LCLAT1: variants seen among roughly 807,000 people sequenced by gnomAD.
LCLAT1 encodes 1-AGP acyltransferase 8.
LCLAT1 carries 11 observed loss-of-function variants against 30.7 expected under a neutral mutation model. The observed-to-expected ratio is 0.36, with a 90% CI of 0.23 to 0.59. The LOEUF is 0.59. Among genes scored for constraint, LCLAT1 ranks in the 20% least tolerant of loss-of-function variants. The pLI is 0.77. For synonymous variants in LCLAT1, 155 were observed against 151.3 expected, an observed-to-expected ratio of 1.02 and a Z score of -0.18; for missense variants, 402 against 458.6, an observed-to-expected ratio of 0.88 and a Z score of 1.13.
intron 5 of LCLAT1, among the ~76,000 whole-genome samples, chr2:30,595,495 A>G (rs1191862193): frequency 1.3e-5 from 2 of 152,156 alleles, no homozygotes; most frequent in Non-Finnish European, 2.9e-5. Context: ...ATTCCCAACC[A>G]GAACCTGTGC....
intron 5 of LCLAT1, among the ~76,000 whole-genome samples, chr2:30,578,917 T>C (rs939105035): frequency 6.6e-6 from 1 of 152,192 alleles, no homozygotes; most frequent in South Asian, 2.1e-4. Context: ...AGTTACCAAA[T>C]AATTTACCAA....
At chr2:30,534,858 A>G (rs1686166545) in intron 3 of LCLAT1, among the ~76,000 whole-genome samples, 1 of 152,304 alleles carries the variant, frequency 6.6e-6, no homozygotes, top group Middle Eastern at 3.4e-3. Context: ...AGATCTCAGT[A>G]TTTAAAAAAC....
intron 5 of LCLAT1, among the ~76,000 whole-genome samples, chr2:30,599,484 T>G (rs1288094025): frequency 6.6e-6 from 1 of 152,232 alleles, no homozygotes; most frequent in African/African-American, 2.4e-5. Flanking sequence ...ATCTATCAGA[T>G]CCACTTGATC....
intron 3 of LCLAT1, among the ~76,000 whole-genome samples, chr2:30,534,265 G>GTGTA (rs1686130130): frequency 1.7e-5 from 2 of 116,282 alleles, no homozygotes; most frequent in African/African-American, 6.2e-5. Flanking sequence ...GTGTGTGTGT[G>GTGTA]TGTGTGTGTT....
chr2:30,492,324 A>T (rs1683876749), intron 1 of LCLAT1, among the ~76,000 whole-genome samples: 1 of 152,178 alleles, frequency 6.6e-6, no homozygotes, highest in Non-Finnish European at 1.5e-5. Context: ...GGAGGAGAGA[A>T]CTGAGCTGGA....
At position 30,595,256 on chromosome 2, in the gene LCLAT1, T is replaced by A. The variant is rs1188920238; in HGVS notation, c.628+27080T>A. 2.0e-5 allele frequency among the ~76,000 whole-genome samples: 3 copies of A among 152,110 alleles called. No homozygotes were observed. In the East Asian group the frequency reaches 5.8e-4, roughly 29 times the overall value. On this transcript the variant is annotated intron_variant, in intron 5 of 5. Coordinates refer to ENST00000379509, the MANE Select transcript of LCLAT1 (RefSeq NM_001002257.3). ...CAGCCCTCCTGACCACTATCCTTTG[T>A]GGGGGTTTTTTTTTCCCCCATTCCA... is the stretch of plus-strand genomic sequence containing the variant.
intron 5 of LCLAT1, among the ~76,000 whole-genome samples, chr2:30,627,322 T>C (rs1260917781): frequency 1.3e-5 from 2 of 152,096 alleles, no homozygotes; most frequent in African/African-American, 2.4e-5. Context: ...ATCCGCCTTA[T>C]AAGGTTATAC....
At chr2:30,598,172 G>C (rs72858990) in intron 5 of LCLAT1, among the ~76,000 whole-genome samples, 5,270 of 152,218 alleles carry the variant, frequency 0.035, 321 homozygotes, top group African/African-American at 0.12. Context: ...AGTTAGGGAG[G>C]GGTCCCTCCT....
chr2:30,539,116 C>T (rs536090466), intron 3 of LCLAT1, among the ~76,000 whole-genome samples: 42 of 152,084 alleles, frequency 2.8e-4, no homozygotes, highest in Admixed American at 1.7e-3. Flanking sequence ...CACGCCACCA[C>T]GCCCAGCTAA....
At chr2:30,505,769 TAAG>T (rs1684630558) in intron 1 of LCLAT1, among the ~76,000 whole-genome samples, 3 of 152,158 alleles carry the variant, frequency 2.0e-5, no homozygotes, top group Admixed American at 1.3e-4. Flanking sequence ...GAACTTCAGA[TAAG>T]AAGAACCATA....
At chr2:30,627,304 G>A (rs1668557258) in intron 5 of LCLAT1, among the ~76,000 whole-genome samples, 1 of 152,008 alleles carries the variant, frequency 6.6e-6, no homozygotes, top group South Asian at 2.1e-4. Flanking sequence ...TGTCACCTAA[G>A]TCTCATTATC....
chr2:30,609,785 T>A (rs994044433), intron 5 of LCLAT1, among the ~76,000 whole-genome samples: 2 of 152,214 alleles, frequency 1.3e-5, no homozygotes, highest in Non-Finnish European at 2.9e-5. Flanking sequence ...ATTCGTTTCC[T>A]GTGTTATTAC....
At chr2:30,609,743 C>T (rs1179444867) in intron 5 of LCLAT1, among the ~76,000 whole-genome samples, 1 of 152,090 alleles carries the variant, frequency 6.6e-6, no homozygotes, top group African/African-American at 2.4e-5. Flanking sequence ...CTACACTCAC[C>T]TCACTTCTCT....
intron 4 of LCLAT1, among the ~76,000 whole-genome samples, chr2:30,566,963 GGTTA>G (rs1243490527): frequency 6.6e-6 from 1 of 152,076 alleles, no homozygotes; most frequent in Non-Finnish European, 1.5e-5. Context: ...GAGCGGTTTG[GGTTA>G]GTAATATTAA....
intron 5 of LCLAT1, among the ~76,000 whole-genome samples, chr2:30,610,068 A>C (rs1417598252): frequency 4.6e-5 from 7 of 152,166 alleles, no homozygotes; most frequent in African/African-American, 7.2e-5. Flanking sequence ...CTACATGTAC[A>C]AATTGAACAT....
At chr2:30,573,860 T>G (rs961781138) in intron 5 of LCLAT1, among the ~76,000 whole-genome samples, 3 of 152,194 alleles carry the variant, frequency 2.0e-5, no homozygotes, top group African/African-American at 7.2e-5. Context: ...ATCAACTAAT[T>G]GGTCAATGTA....
chr2:30,518,219 C>G (rs1442173934), intron 1 of LCLAT1, among the ~76,000 whole-genome samples: 2 of 152,162 alleles, frequency 1.3e-5, no homozygotes, highest in Non-Finnish European at 2.9e-5. Flanking sequence ...TCCCTTAACC[C>G]AGCAGATTTC....
chr2:30,583,842 GT>G (rs943783581), intron 5 of LCLAT1, among the ~76,000 whole-genome samples: 4 of 151,988 alleles, frequency 2.6e-5, no homozygotes, highest in Admixed American at 6.6e-5. Context: ...CTTTGGTTTG[GT>G]TTTTTTCATG....
At chr2:30,548,134 C>T (rs1023357060) in intron 3 of LCLAT1, among the ~76,000 whole-genome samples, 9 of 152,054 alleles carry the variant, frequency 5.9e-5, no homozygotes, top group African/African-American at 1.7e-4. Flanking sequence ...TTTTGGTTGC[C>T]AGCATTGCTT....
Sources: gnomAD v4.1 joint callset for allele counts (sites outside exome capture counted in the v4.1 genomes callset) on GRCh38, gnomAD v4.1.1 for gene constraint, MANE v1.5 for transcripts, NCBI Gene and HGNC (gene_info 2026-07-23, HGNC 2026-07-21) for gene names.